Variants in NKTR observed in about 807,000 individuals in gnomAD.
NKTR encodes natural killer cell triggering receptor.
NKTR carries 67 observed loss-of-function variants against 156.3 expected under a neutral mutation model. The observed-to-expected ratio is 0.43, with a 90% CI of 0.35 to 0.53. The LOEUF (loss-of-function observed/expected upper bound fraction) is 0.53. Ranked by LOEUF, NKTR falls within the 20% of genes least tolerant of loss-of-function variation. NKTR has a pLI of 0.01. For missense variants in NKTR, 1,604 were observed against 1,730.9 expected, an observed-to-expected ratio of 0.93 and a Z score of 1.30; for synonymous variants, 640 against 596.6, an observed-to-expected ratio of 1.07 and a Z score of -1.06.
intron 7 of NKTR, chr3:42,630,942 GTTAAGAACCATTGTT>G (rs1708842526): frequency 4.3e-6 from 6 of 1,401,178 alleles, no homozygotes; most frequent in Non-Finnish European, 5.5e-6. Flanking sequence ...CCCTAAAATG[GTTAAGAACCATTGTT>G]TTAAAGGCAG....
In NKTR at chr3:42,635,255, C is replaced by CTGA; in HGVS notation, c.1053_1055dup (p.Ser351_Glu352insAsp). On this transcript the variant is annotated inframe_insertion, in exon 12 of 17. Transcript: ENST00000232978. ...ACACCTCCAAGATCAAGATCCTGTT[C>CTGA]TGAGTCAGATGATGATGACAGCAGT... 6.2e-7 allele frequency: 1 copy of CTGA among 1,613,550 alleles called. No individual in the cohort carries two copies. Among genetic ancestry groups the CTGA allele is most frequent in the Non-Finnish European group, 8.5e-7 (1 of 1,179,812 alleles).
chr3:42,639,285 A>G lies in NKTR; in HGVS notation c.3581A>G (p.Gln1194Arg), dbSNP rs1709678777. The change falls in exon 13 of 17, where the codon CAG (glutamine) becomes CGG (arginine). Residue 1194 changes from glutamine (Q) to arginine (R), a missense_variant. This residue lies in a region of NKTR where 1,255 missense variants were observed against 1,243.7 expected (regional missense o/e 1.01). Transcript: ENST00000232978. ...ESKVLGEVGKQDSSSASLASA... is the reference protein window; with the variant it reads ...ESKVLGEVGKRDSSSASLASA... Reference sequence around the variant, plus strand: ...AAAGTGTTGGGTGAAGTGGGGAAACAGGACAGCAGCTCTGCTAGCTTGGCT... The same window carrying G: ...AAAGTGTTGGGTGAAGTGGGGAAACGGGACAGCAGCTCTGCTAGCTTGGCT... The G allele has an allele frequency of 6.2e-7, 1 of 1,614,210 alleles. No individual in the cohort carries two copies. The highest frequency in any genetic ancestry group is 8.5e-7 in the Non-Finnish European group (1 of 1,180,018).
chr3:42,625,433 G>A (rs956067939), intron 6 of NKTR, among the ~76,000 whole-genome samples: 28 of 145,864 alleles, frequency 1.9e-4, no homozygotes, highest in African/African-American at 6.9e-4. Flanking sequence ...CAATGGGGGG[G>A]CGGGGCATAA....
chr3:42,639,763 C>A lies in NKTR; in HGVS notation c.4046+13C>A. On this transcript the variant is annotated intron_variant, in intron 13 of 16. Transcript: ENST00000232978. ...CATCATCTTATCGGTGAGCAATATT[C>A]TCTTTCCTTTCTTCTCCCAAGGAGA... The A allele has an allele frequency of 6.4e-7, 1 of 1,555,520 alleles. No individual in the cohort carries two copies. The highest frequency in any genetic ancestry group is 8.8e-7 in the Non-Finnish European group (1 of 1,140,926).
At chr3:42,629,666 C>T (rs1269738580) in intron 6 of NKTR, 1 of 977,540 alleles carries the variant, frequency 1.0e-6, no homozygotes, top group Non-Finnish European at 1.2e-6. Flanking sequence ...AATCAAGATG[C>T]TTGTAGTATA....
At chr3:42,610,633 C>T (rs1040027574) in intron 2 of NKTR, among the ~76,000 whole-genome samples, 3 of 150,480 alleles carry the variant, frequency 2.0e-5, no homozygotes, top group African/African-American at 7.3e-5. Context: ...AGGATTTTTC[C>T]TTCACTTCAA....
At chr3:42,614,115 G>C (rs1011058646) in intron 2 of NKTR, among the ~76,000 whole-genome samples, 6 of 152,118 alleles carry the variant, frequency 3.9e-5, no homozygotes, top group African/African-American at 1.4e-4. Context: ...GATTCTAAAA[G>C]ATTACTAAAT....
At chr3:42,601,098 GAGGCCTGCCTTGGCGA>G in intron 2 of NKTR, 34 bp downstream of exon 2, 2 of 1,523,632 alleles carry the variant, frequency 1.3e-6, no homozygotes, top group Non-Finnish European at 1.8e-6. Context: ...TGCTGGGGCC[GAGGCCTGCCTTGGCGA>G]AGGGGAGGGG....
In NKTR at chr3:42,605,075, T is replaced by G. The variant is rs138771697; in HGVS notation, c.58+4011T>G. ...TACATACATATTTAGGATTGTTGTC[T>G]TCTTAGTGAACTCTTTTATTATTAT... On this transcript the variant is annotated intron_variant, in intron 2 of 16. Coordinates refer to ENST00000232978, the MANE Select transcript of NKTR (RefSeq NM_005385.4). Among the ~76,000 whole-genome samples, 1,043 of 152,338 alleles carry G rather than the reference T, an allele frequency of 6.8e-3. 10 individuals are homozygous for G. Among genetic ancestry groups the G allele is most frequent in the African/African-American group, 0.023 (970 of 41,578 alleles).
Position 42,620,731 on chromosome 3 carries a change from G to A in NKTR, c.287-698G>A, listed in dbSNP as rs1577481655. The A allele has an allele frequency of 3.1e-6, 3 of 983,198 alleles. No homozygotes were observed. The Admixed American group carries it at 1.8e-4, about 60-fold the overall frequency. The allele number at this position is 983,198 out of a possible 1,614,324, so 60.9% of individuals were successfully genotyped here. ...GATTTTTTTTTCCTTTGAACTAGTA[G>A]GAAACAGCTATTTAGCTGGTTCTGT... On this transcript the variant is annotated intron_variant, in intron 5 of 16. Transcript: ENST00000232978.
Position 42,639,050 on chromosome 3 carries a change from C to T in NKTR, c.3346C>T (p.Pro1116Ser), listed in dbSNP as rs765724634. The T allele has an allele frequency of 6.2e-7, 1 of 1,613,938 alleles. No homozygotes were observed. The highest frequency in any genetic ancestry group is 1.1e-5 in the South Asian group (1 of 91,060). The change falls in exon 13 of 17, where the codon CCC becomes TCC. Residue 1116 changes from proline (P) to serine (S), a missense_variant. Transcript: ENST00000232978. ...CATTCAGCACGTTGAAGAAAGTGTT[C>T]CCAATGGAGTGGAAGATGTGCTTCA... ...QNIQHVEESV[P>S]NGVEDVLQTD...
chr3:42,625,789 T>C (rs1267117238), intron 6 of NKTR, among the ~76,000 whole-genome samples: 1 of 152,216 alleles, frequency 6.6e-6, no homozygotes, highest in African/African-American at 2.4e-5. Context: ...CCATAAACCA[T>C]ATTCTCTGAA....
At chr3:42,620,119 C>CTGG in intron 5 of NKTR, 1 of 1,498,602 alleles carries the variant, frequency 6.7e-7, no homozygotes, top group Non-Finnish European at 8.9e-7. Flanking sequence ...TATGGACAGT[C>CTGG]TGGGTCAGGT....
At position 42,637,900 on chromosome 3, in the gene NKTR, C is replaced by G. The variant is rs1299669940; in HGVS notation, c.2196C>G (p.Tyr732Ter). 1 of 1,613,912 alleles carries G rather than the reference C, an allele frequency of 6.2e-7. No homozygotes were observed. The highest frequency in any genetic ancestry group is 1.3e-5 in the African/African-American group (1 of 74,912). The change falls in exon 13 of 17, where the codon TAC (tyrosine) becomes TAG (stop). Residue 732 changes from tyrosine (Y) to a stop codon, truncating the protein, a stop_gained. Transcript: ENST00000232978. LOFTEE classifies it high-confidence loss of function. ...PSSRSHSRNKYSDHSQCSRSS... is the reference protein window; with the variant it reads ...PSSRSHSRNK ...CTAGATCTCATTCACGAAATAAATA[C>G]AGTGATCATTCACAGTGTAGTAGAT... is the stretch of plus-strand genomic sequence containing the variant.
intron 2 of NKTR, among the ~76,000 whole-genome samples, chr3:42,610,905 A>T (rs1374283753): frequency 1.3e-5 from 2 of 152,164 alleles, no homozygotes; most frequent in Non-Finnish European, 2.9e-5. Flanking sequence ...GATAGTTAGC[A>T]GCATTTTAGT....
At chr3:42,644,754 T>G (rs896780654) in intron 16 of NKTR, among the ~76,000 whole-genome samples, 1 of 152,022 alleles carries the variant, frequency 6.6e-6, no homozygotes, top group Non-Finnish European at 1.5e-5. Context: ...CTTCACCATC[T>G]CCCCTTTTGC....
chr3:42,623,762 A>C (rs1322099867), intron 6 of NKTR: 1 of 152,112 alleles, frequency 6.6e-6, no homozygotes, highest in Non-Finnish European at 1.5e-5. Flanking sequence ...CCTGCCTTTT[A>C]CCTTGTTACC....
intron 13 of NKTR, 43 bp downstream of exon 13, chr3:42,639,793 G>A (rs1212299233): frequency 4.5e-6 from 6 of 1,323,360 alleles, no homozygotes; most frequent in Non-Finnish European, 5.3e-6. Context: ...AGGAGAGTCT[G>A]TTATTGTTTA....
chr3:42,602,324 C>A (rs1705580769), intron 2 of NKTR: 1 of 152,042 alleles, frequency 6.6e-6, no homozygotes, highest in African/African-American at 2.4e-5. Context: ...TGTAGTAGGC[C>A]GTACCATCTA....
Sources: gnomAD v4.1 joint callset for allele counts (sites outside exome capture counted in the v4.1 genomes callset) on GRCh38, gnomAD v4.1.1 for gene constraint, gnomAD v4.1.1 regional missense constraint, MANE v1.5 for transcripts, NCBI Gene and HGNC (gene_info 2026-07-23, HGNC 2026-07-21) for gene names.